The following MTUS2 variants were observed in gnomAD, a reference collection of about 807,000 sequenced individuals.
MTUS2 encodes the protein microtubule-associated tumor suppressor candidate 2.
MTUS2 carries 40 observed loss-of-function variants against 114.1 expected under a neutral mutation model. The observed-to-expected ratio is 0.35, with a 90% CI of 0.27 to 0.46. The LOEUF (loss-of-function observed/expected upper bound fraction) is 0.46, where lower values mean the gene tolerates loss of function less well. Ranked by LOEUF, MTUS2 falls within the 20% of genes least tolerant of loss-of-function variation. The pLI, the probability that MTUS2 is intolerant of heterozygous loss-of-function variation, is 1.00. For synonymous variants in MTUS2, 688 were observed against 672.0 expected (o/e 1.02, Z -0.37); for missense variants, 1,679 against 1,705.4 (o/e 0.98, Z 0.27).
chr13:29,440,694 GCAAAGCTGAAATAC>G (rs1329443589), intron 9 of MTUS2, among the ~76,000 whole-genome samples: 1 of 152,018 alleles, frequency 6.6e-6, no homozygotes, highest in East Asian at 1.9e-4. Context: ...GAATCAGTCA[GCAAAGCTGAAATAC>G]ACATGGTCTG....
Position 29,237,063 on chromosome 13 carries a change from A to G in MTUS2, c.2645-44641A>G, listed in dbSNP as rs142384874. ...TGGTTTTGATGCCTTCCTTGATCTA[A>G]GAGTTGTGTAGAAGACCATTTTTAA... On this transcript the variant is annotated intron_variant, in intron 5 of 15. Coordinates refer to ENST00000612955, the MANE Select transcript of MTUS2 (RefSeq NM_001033602.4). Among the ~76,000 whole-genome samples the G allele has an allele frequency of 7.5e-3, 1,141 of 152,326 alleles. 8 individuals are homozygous for G. Among genetic ancestry groups the G allele is most frequent in the Non-Finnish European group, 0.012 (837 of 68,028 alleles).
At chr13:29,340,960 T>G (rs1222663727) in intron 7 of MTUS2, among the ~76,000 whole-genome samples, 1 of 152,248 alleles carries the variant, frequency 6.6e-6, no homozygotes, top group Non-Finnish European at 1.5e-5. Context: ...TCATCTAGGT[T>G]GCTGTGAATG....
intron 6 of MTUS2, among the ~76,000 whole-genome samples, chr13:29,290,330 T>C (rs1247466728): frequency 6.6e-6 from 1 of 152,044 alleles, no homozygotes. Context: ...TGTTTTTGTT[T>C]GTTTGTTTGT....
intron 2 of MTUS2, among the ~76,000 whole-genome samples, chr13:28,975,840 T>C (rs1357344434): frequency 1.3e-5 from 2 of 152,204 alleles, no homozygotes; most frequent in African/African-American, 4.8e-5. Flanking sequence ...TGAACATTTA[T>C]GACCTACTGT....
At chr13:28,934,969 T>G (rs534598683) in intron 2 of MTUS2, among the ~76,000 whole-genome samples, 2 of 143,328 alleles carry the variant, frequency 1.4e-5, no homozygotes, top group East Asian at 4.2e-4. Flanking sequence ...GCCAGCCCTT[T>G]CCACCCGTAG....
chr13:29,346,714 A>G (rs1443933219), intron 7 of MTUS2, among the ~76,000 whole-genome samples: 1 of 144,528 alleles, frequency 6.9e-6, no homozygotes, highest in Admixed American at 6.7e-5. Context: ...ATCGTTTCAA[A>G]GTTCAGCTGG....
At chr13:28,909,902 T>G (rs1245232924) in intron 2 of MTUS2, among the ~76,000 whole-genome samples, 4 of 152,138 alleles carry the variant, frequency 2.6e-5, no homozygotes, top group Non-Finnish European at 5.9e-5. Context: ...ATTTTTTAAT[T>G]TTTGTGGGTG....
At chr13:28,923,171 A>T (rs562046527) in intron 2 of MTUS2, among the ~76,000 whole-genome samples, 1 of 151,712 alleles carries the variant, frequency 6.6e-6, no homozygotes, top group African/African-American at 2.4e-5. Flanking sequence ...TTTCCTTTTT[A>T]TTTGTTTTAT....
chr13:29,123,895 T>G (rs915801481), intron 5 of MTUS2, among the ~76,000 whole-genome samples: 1 of 152,210 alleles, frequency 6.6e-6, no homozygotes, highest in African/African-American at 2.4e-5. Context: ...CCCCTGCAGA[T>G]GCCCACTGCC....
At chr13:29,296,899 A>G (rs973850977) in intron 6 of MTUS2, among the ~76,000 whole-genome samples, 2 of 152,030 alleles carry the variant, frequency 1.3e-5, no homozygotes, top group African/African-American at 4.8e-5. Context: ...TGTAGGTTGT[A>G]TCTTCAGCCT....
At position 28,969,049 on chromosome 13, in the gene MTUS2, T is replaced by C. The variant is rs556325232; in HGVS notation, c.-242-55408T>C. ...GCAATTTTTTGTATAATTTTGTTAA[T>C]TTTTTATTTAGAGATGGGATCTTGC... On this transcript the variant is annotated intron_variant, in intron 2 of 15. Transcript: ENST00000612955. 1.6e-3 allele frequency among the ~76,000 whole-genome samples: 239 copies of C among 152,330 alleles called. 1 individual carries two copies. Among genetic ancestry groups the C allele is most frequent in the African/African-American group, 5.6e-3 (234 of 41,562 alleles).
rs181633444 is a variant in MTUS2, at chr13:29,503,365, C to T, written c.*159C>T. The stretch of plus-strand genomic sequence containing the variant: ...TCCTCTGATCCCCGTGTAAGACTGC[C>T]CTGGTGTCGGCACTTAGGAATGTGT... On this transcript the variant is annotated 3_prime_UTR_variant, in exon 16 of 16. Coordinates refer to ENST00000612955, the MANE Select transcript of MTUS2 (RefSeq NM_001033602.4). 4.2e-5 allele frequency: 31 copies of T among 733,362 alleles called. No individual in the cohort carries two copies. The East Asian group carries it at 7.6e-4, about 18-fold the overall frequency. The allele number at this position is 733,362 out of a possible 1,614,324, so 45.4% of individuals were successfully genotyped here.
intron 6 of MTUS2, among the ~76,000 whole-genome samples, chr13:29,315,152 G>A (rs1289209136): frequency 6.6e-6 from 1 of 152,148 alleles, no homozygotes; most frequent in Non-Finnish European, 1.5e-5. Flanking sequence ...ATAGAATAGT[G>A]GGTACTAGAA....
At chr13:29,129,102 T>C (rs1476401700) in intron 5 of MTUS2, among the ~76,000 whole-genome samples, 8 of 152,200 alleles carry the variant, frequency 5.3e-5, no homozygotes, top group African/African-American at 1.9e-4. Flanking sequence ...GCGGACACTC[T>C]GTGCACTTTC....
At chr13:28,828,888 T>A (rs1313870025) in intron 1 of MTUS2, among the ~76,000 whole-genome samples, 1 of 152,226 alleles carries the variant, frequency 6.6e-6, no homozygotes, top group Non-Finnish European at 1.5e-5. Context: ...CTGTTACTGA[T>A]CCTATCTATA....
chr13:29,395,446 A>G (rs1873837622), intron 8 of MTUS2, among the ~76,000 whole-genome samples: 3 of 152,106 alleles, frequency 2.0e-5, no homozygotes, highest in Admixed American at 2.0e-4. Flanking sequence ...GGAATCAGAG[A>G]CGTCTCCTTG....
chr13:29,219,507 CA>C (rs1566073910), intron 5 of MTUS2, among the ~76,000 whole-genome samples: 4 of 151,912 alleles, frequency 2.6e-5, no homozygotes, highest in Non-Finnish European at 5.9e-5. Context: ...ATGGCTGGGT[CA>C]AATGGTATTT....
At position 29,155,460 on chromosome 13, in the gene MTUS2, C is replaced by T. The variant is rs1369918916; in HGVS notation, c.2644+54490C>T. On this transcript the variant is annotated intron_variant, in intron 5 of 15. Coordinates refer to ENST00000612955, the MANE Select transcript of MTUS2 (RefSeq NM_001033602.4). ...GGAGCTGTTGTGTCTCCTCATTCAA[C>T]AATGCATCACACTTCACTGCCTCAG... 3.3e-5 allele frequency among the ~76,000 whole-genome samples: 5 copies of T among 152,324 alleles called. No homozygotes were observed. In the East Asian group the frequency reaches 9.7e-4, roughly 29 times the overall value.
At chr13:29,428,952 A>G in intron 8 of MTUS2, 1 of 1,585,396 alleles carries the variant, frequency 6.3e-7, no homozygotes, top group Non-Finnish European at 8.7e-7. Context: ...GGCAGAGAGA[A>G]AGCCGTGAGC....
Sources: allele counts gnomAD v4.1 joint callset (sites outside exome capture counted in the v4.1 genomes callset), GRCh38; gene constraint gnomAD v4.1.1; transcripts MANE v1.5; gene names NCBI Gene and HGNC (gene_info 2026-07-23, HGNC 2026-07-21).